Variants in CRYZL1 observed in about 807,000 individuals in gnomAD.
CRYZL1 encodes the protein crystallin zeta like 1, also known as ferry endosomal RAB5 effector complex subunit 4.
A neutral mutation model predicts 50.6 loss-of-function variants in CRYZL1; 34 were observed. The ratio of observed to expected loss-of-function variants is 0.67; its 90% confidence interval spans 0.51 to 0.89. The LOEUF is 0.89. Among genes scored for constraint, CRYZL1 ranks in the 40% least tolerant of loss-of-function variants. The pLI is 0.00. For synonymous variants in CRYZL1, 125 were observed against 134.3 expected (o/e 0.93, Z 0.48); for missense variants, 354 against 402.3 (o/e 0.88, Z 1.03).
At chr21:33,634,708 G>C (rs1393452607) in intron 1 of CRYZL1, among the ~76,000 whole-genome samples, 1 of 151,670 alleles carries the variant, frequency 6.6e-6, no homozygotes, top group African/African-American at 2.4e-5. Flanking sequence ...AAAGCATCTT[G>C]CTTTGTGATA....
At chr21:33,641,317 T>C (rs535841360) in intron 1 of CRYZL1, 3 of 1,542,124 alleles carry the variant, frequency 1.9e-6, no homozygotes, top group African/African-American at 2.8e-5. Context: ...TGAGAAGAAG[T>C]AACAGAGAAA....
intron 4 of CRYZL1, among the ~76,000 whole-genome samples, chr21:33,618,152 G>T (rs1223613883): frequency 1.3e-5 from 2 of 152,068 alleles, no homozygotes; most frequent in Non-Finnish European, 2.9e-5. Context: ...AGCCGGGCGT[G>T]GTGGTGGGTG....
intron 6 of CRYZL1, among the ~76,000 whole-genome samples, chr21:33,604,317 A>G (rs2086788464): frequency 8.0e-6 from 1 of 125,560 alleles, no homozygotes; most frequent in Non-Finnish European, 1.6e-5. Flanking sequence ...GCTCATGCCA[A>G]TGCACTCCAG....
Position 33,589,931 on chromosome 21 carries a change from A to C in CRYZL1, c.951-10T>G. On this transcript the variant is annotated splice_polypyrimidine_tract_variant and intron_variant, in intron 12 of 12. Transcript: ENST00000381554. ...TTCATCCAACTGAGGTCTGAGAAGG[A>C]ATGAAATTAGAAATGTCAGGTCTAG... 6 of 1,529,584 alleles carry C rather than the reference A, an allele frequency of 3.9e-6. 1 individual carries two copies. In the South Asian group the frequency reaches 7.0e-5, roughly 18 times the overall value. The allele number at this position is 1,529,584 out of a possible 1,614,324, so 94.8% of individuals were successfully genotyped here.
At chr21:33,617,648 C>T (rs1034353402) in intron 4 of CRYZL1, among the ~76,000 whole-genome samples, 1 of 151,780 alleles carries the variant, frequency 6.6e-6, no homozygotes, top group Admixed American at 6.6e-5. Flanking sequence ...GGGTCGTGAT[C>T]GATTGAGCAA....
chr21:33,637,781 ATAT>A (rs1406358677), intron 1 of CRYZL1, among the ~76,000 whole-genome samples: 1 of 147,220 alleles, frequency 6.8e-6, no homozygotes, highest in Non-Finnish European at 1.5e-5. Flanking sequence ...ATATATATAT[ATAT>A]ATATACACAC....
Position 33,607,852 on chromosome 21 carries a change from C to T in CRYZL1, c.332-4315G>A, listed in dbSNP as rs8129369. ...TACAGGTTATTCAGTTGAGTGTCCT[C>T]ATTTATAGATGCAGTCAGCATGCCT... On this transcript the variant is annotated intron_variant, in intron 6 of 12. Transcript: ENST00000381554. Among the ~76,000 whole-genome samples, 606 of 152,156 alleles carry T rather than the reference C, an allele frequency of 4.0e-3. 4 individuals carry two copies. Among genetic ancestry groups the T allele is most frequent in the African/African-American group, 0.014 (582 of 41,528 alleles).
chr21:33,591,094 A>C lies in CRYZL1; in HGVS notation c.950+68T>G, dbSNP rs539818697. On this transcript the variant is annotated intron_variant, in intron 12 of 12. Coordinates refer to ENST00000381554, the MANE Select transcript of CRYZL1 (RefSeq NM_145858.3). ...TGGCGAGAGCTAAAACAAAAGTGGG[A>C]CTGCCTGCCTTAGCTCCCTGAAAAT... is the stretch of plus-strand genomic sequence containing the variant. 4.4e-6 allele frequency: 5 copies of C among 1,133,344 alleles called. No individual in the cohort carries two copies. In the East Asian group the frequency reaches 1.2e-4, roughly 27 times the overall value. The allele number at this position is 1,133,344 out of a possible 1,614,324, so 70.2% of individuals were successfully genotyped here.
chr21:33,639,927 G>GC (rs747787176), intron 1 of CRYZL1: 316 of 322,448 alleles, frequency 9.8e-4, no homozygotes, highest in Middle Eastern at 4.4e-3. Context: ...CCGGGTTCAA[G>GC]CAATTCTCCT....
At chr21:33,613,430 T>TATTAAGTACATTAAGTAC (rs2086893952) in intron 6 of CRYZL1, 108 bp downstream of exon 6, 1 of 718,208 alleles carries the variant, frequency 1.4e-6, no homozygotes, top group Non-Finnish European at 2.4e-6. Context: ...AATGATACTT[T>TATTAAGTACATTAAGTAC]ATTAAGTACA....
intron 6 of CRYZL1, among the ~76,000 whole-genome samples, chr21:33,605,684 G>T (rs1489511454): frequency 1.3e-5 from 2 of 151,358 alleles, no homozygotes; most frequent in East Asian, 3.9e-4. Flanking sequence ...ACCAGGCCTG[G>T]CTAATTTTTG....
At chr21:33,591,281 A>G (rs2086640692) in intron 11 of CRYZL1, 74 bp from the exon 12 acceptor site, 4 of 1,192,892 alleles carry the variant, frequency 3.4e-6, no homozygotes, top group Middle Eastern at 1.9e-4. Flanking sequence ...AGAGGATGCC[A>G]GGCAGGCCAC....
At chr21:33,634,639 G>A (rs529400551) in intron 1 of CRYZL1, among the ~76,000 whole-genome samples, 1 of 151,686 alleles carries the variant, frequency 6.6e-6, no homozygotes, top group Non-Finnish European at 1.5e-5. Flanking sequence ...ACTCAGTCTG[G>A]AGTTACTAGA....
intron 10 of CRYZL1, among the ~76,000 whole-genome samples, chr21:33,597,044 AT>A (rs1161116502): frequency 1.3e-5 from 2 of 150,748 alleles, no homozygotes; most frequent in African/African-American, 4.9e-5. Flanking sequence ...TAATTTTTGT[AT>A]TTTTTGTAGA....
chr21:33,596,992 C>T (rs1260600384), intron 10 of CRYZL1, among the ~76,000 whole-genome samples: 1 of 151,840 alleles, frequency 6.6e-6, no homozygotes, highest in Non-Finnish European at 1.5e-5. Flanking sequence ...CCCTCAGTCT[C>T]TCAAGGAGCT....
chr21:33,622,020 C>G lies in CRYZL1; in HGVS notation c.193G>C (p.Glu65Gln). 1 of 1,612,380 alleles carries G rather than the reference C, an allele frequency of 6.2e-7. No individual in the cohort carries two copies. Among genetic ancestry groups the G allele is most frequent in the Non-Finnish European group, 8.5e-7 (1 of 1,178,656 alleles). ...CCATCTAATACAATTCCAGCAATTTCTCTCCCAACAGGAAATAAATCCTTT... is the reference window on the plus strand; with the variant it reads ...CCATCTAATACAATTCCAGCAATTTGTCTCCCAACAGGAAATAAATCCTTT... ...MKKDLFPVGR[E>Q]IAGIVLDVGS... is the part of the protein sequence containing the mutation. Residue 65 changes from glutamate to glutamine, a missense_variant, in exon 4 of 13, where the codon GAA (glutamate) becomes CAA (glutamine). Transcript: ENST00000381554.
chr21:33,615,434 G>C (rs1291704024), intron 5 of CRYZL1, among the ~76,000 whole-genome samples: 1 of 152,044 alleles, frequency 6.6e-6, no homozygotes, highest in Non-Finnish European at 1.5e-5. Flanking sequence ...GATTACAGGT[G>C]TGAGCCACCA....
At chr21:33,604,328 C>T (rs2086788590) in intron 6 of CRYZL1, among the ~76,000 whole-genome samples, 1 of 137,590 alleles carries the variant, frequency 7.3e-6, no homozygotes, top group African/African-American at 2.8e-5. Context: ...TGCACTCCAG[C>T]CTGGGTGACA....
intron 11 of CRYZL1, among the ~76,000 whole-genome samples, chr21:33,593,982 CAAAAAA>C (rs1167158360): frequency 2.0e-5 from 1 of 48,910 alleles, no homozygotes; most frequent in Non-Finnish European, 3.4e-5. Context: ...GACTCTGTCT[CAAAAAA>C]AAAAAAAAAA....
Sources: gnomAD v4.1 joint callset for allele counts (sites outside exome capture counted in the v4.1 genomes callset) on GRCh38, gnomAD v4.1.1 for gene constraint, MANE v1.5 for transcripts, NCBI Gene and HGNC (gene_info 2026-07-23, HGNC 2026-07-21) for gene names.